AHNAK2: variants seen among roughly 807,000 people sequenced by gnomAD.
AHNAK2 encodes the protein AHNAK nucleoprotein 2, also known as protein AHNAK2.
Under a neutral mutation model 30.7 loss-of-function variants are expected in AHNAK2, and 18 were observed. The ratio of observed to expected loss-of-function variants is 0.59; its 90% CI spans 0.41 to 0.87. The LOEUF is 0.87. AHNAK2 is among the 40% of genes least tolerant of loss of function. AHNAK2 has a pLI of 0.00. For missense variants in AHNAK2, 8,604 were observed against 7,373.0 expected (o/e 1.17, Z -6.11); for synonymous variants, 3,590 against 3,073.8 (o/e 1.17, Z -5.56).
At position 104,948,073 on chromosome 14, in the gene AHNAK2, G is replaced by C; in HGVS notation, c.7378C>G (p.Leu2460Val). ...EVDVEAPGAK[L>V]DGAWLEGDLS... ...TCCCCCTCCAGCCACGCACCATCCA[G>C]CTTGGCTCCCGGGGCCTCGACATCC... Residue 2460 changes from leucine to valine, a missense_variant, in exon 7 of 7, where the codon CTG becomes GTG. Leu to Val is a conservative substitution (Grantham distance 32, BLOSUM62 1). Transcript: ENST00000333244. 1 of 1,612,950 alleles carries C rather than the reference G, an allele frequency of 6.2e-7. No homozygotes were observed.
intron 1 of AHNAK2, among the ~76,000 whole-genome samples, chr14:104,977,083 C>T (rs964957123): frequency 6.6e-6 from 1 of 152,160 alleles, no homozygotes; most frequent in South Asian, 2.1e-4. Context: ...ACAGACAGGC[C>T]ACAGGAGGGG....
chr14:104,941,680 G>A lies in AHNAK2; in HGVS notation c.13771C>T (p.Leu4591=), dbSNP rs780915251. 3.1e-6 allele frequency: 5 copies of A among 1,613,766 alleles called. No homozygotes were observed. In the South Asian group the frequency reaches 4.4e-5, roughly 14 times the overall value. The change falls in exon 7 of 7, where the codon CTG becomes TTG. Residue 4591 remains leucine, a synonymous_variant. Coordinates refer to ENST00000333244, the MANE Select transcript of AHNAK2 (RefSeq NM_138420.4). ...EVMAPDVEVS[L]PSVETDVQAP... is the part of the protein sequence containing the mutation. Reference sequence around the variant, plus strand: ...TGGACATCCGTCTCCACGCTGGGCAGAGACACCTCCACATCGGGGGCCATC... The same window carrying A: ...TGGACATCCGTCTCCACGCTGGGCAAAGACACCTCCACATCGGGGGCCATC...
chr14:104,944,642 G>T lies in AHNAK2; in HGVS notation c.10809C>A (p.Ser3603Arg), dbSNP rs781092494. ...RVPDVEVSLPSVEVDVQAPKA... is the reference protein window; with the variant it reads ...RVPDVEVSLPRVEVDVQAPKA... ...TCGGGGCCTGGACATCCACCTCCAC[G>T]CTGGGCAGAGACACCTCGACATCGG... The change falls in exon 7 of 7, where the codon AGC becomes AGA. Residue 3603 changes from serine (S) to arginine (R), a missense_variant. Physicochemically the swap from Ser to Arg is moderately radical, Grantham distance 110. Coordinates refer to ENST00000333244, the MANE Select transcript of AHNAK2 (RefSeq NM_138420.4). 96 of 1,613,092 alleles carry T rather than the reference G, an allele frequency of 6.0e-5. No individual in the cohort carries two copies. The highest frequency in any genetic ancestry group is 7.5e-5 in the Non-Finnish European group (88 of 1,179,716).
rs746919843 is a variant in AHNAK2 at position 104,951,431 on chromosome 14, C to CA, written c.4019dup (p.Ser1341ValfsTer8). The CA allele has an allele frequency of 3.2e-6, 4 of 1,233,830 alleles. 2 individuals carry two copies. In the South Asian group the frequency reaches 5.8e-5, roughly 18 times the overall value. 76.4% of individuals were successfully genotyped at this position (1,233,830 alleles called of 1,614,324 possible). A position where few individuals can be genotyped will look rare whatever the true frequency, so the allele number is the denominator to read the frequency against. ...CCTCAATGGACTTGCCTGGGGCAGA[C>CA]ACCCCGAACGACGGCATCTTGAACT... is the stretch of plus-strand genomic sequence containing the variant. On this transcript the variant is annotated frameshift_variant, in exon 7 of 7. Transcript: ENST00000333244. LOFTEE classifies it low-confidence loss of function (END_TRUNC).
At position 104,948,331 on chromosome 14, in the gene AHNAK2, C is replaced by G; in HGVS notation, c.7120G>C (p.Asp2374His). 3 of 1,612,764 alleles carry G rather than the reference C, an allele frequency of 1.9e-6. No homozygotes were observed. Among genetic ancestry groups the G allele is most frequent in the East Asian group, 4.5e-5 (2 of 44,738 alleles). ...TDLSVQPPSA[D>H]LEVQAGQVDV... ...ACTTGGCCAGCCTGGACCTCCAGGT[C>G]AGCGGAAGGGGGCTGAACGCTGAGG... is the stretch of plus-strand genomic sequence containing the variant. The change falls in exon 7 of 7, where the codon GAC (aspartate) becomes CAC (histidine). Residue 2374 changes from aspartate to histidine, a missense_variant. Coordinates refer to ENST00000333244, the MANE Select transcript of AHNAK2 (RefSeq NM_138420.4).
rs548451550 is a variant in AHNAK2 at position 104,950,063 on chromosome 14, T to C, written c.5388A>G (p.Pro1796=). Residue 1796 remains proline (P), a synonymous_variant, in exon 7 of 7, where the codon CCA becomes CCG. Coordinates refer to ENST00000333244, the MANE Select transcript of AHNAK2 (RefSeq NM_138420.4). ...LPSVEVDVEA[P]GAKLDSVRLE... ...GCCGCACACTGTCCAGCTTGGCTCCTGGAGCCTCGACGTCCACCTCCACGC... is the reference window on the plus strand; with the variant it reads ...GCCGCACACTGTCCAGCTTGGCTCCCGGAGCCTCGACGTCCACCTCCACGC... 1,678 of 1,583,602 alleles carry C rather than the reference T, an allele frequency of 1.1e-3. 162 individuals are homozygous for C. In the African/African-American group the frequency reaches 0.018, roughly 17 times the overall value.
chr14:104,947,269 T>C lies in AHNAK2; in HGVS notation c.8182A>G (p.Lys2728Glu), dbSNP rs1300498695. 1 of 1,611,498 alleles carries C rather than the reference T, an allele frequency of 6.2e-7. No individual in the cohort carries two copies. The highest frequency in any genetic ancestry group is 8.5e-7 in the Non-Finnish European group (1 of 1,179,330). Residue 2728 changes from lysine to glutamate, a missense_variant, in exon 7 of 7, where the codon AAA becomes GAA. Transcript: ENST00000333244. ...ATCTGCAGCTTGGGCAGGTGCCCTTTGAGGCCGGCTCCCTCGGGAACGTGG... is the reference window on the plus strand; with the variant it reads ...ATCTGCAGCTTGGGCAGGTGCCCTTCGAGGCCGGCTCCCTCGGGAACGTGG... ...EGHVPEGAGLKGHLPKLQMPS... is the reference protein window; with the variant it reads ...EGHVPEGAGLEGHLPKLQMPS...
intron 1 of AHNAK2, among the ~76,000 whole-genome samples, chr14:104,958,220 G>A (rs1163835500): frequency 1.3e-5 from 2 of 152,116 alleles, no homozygotes; most frequent in Non-Finnish European, 2.9e-5. Flanking sequence ...AGGCTGAGGC[G>A]GGTGGATCAC....
At chr14:104,956,433 C>G (rs1297325134) in intron 4 of AHNAK2, among the ~76,000 whole-genome samples, 155 bp downstream of exon 4, 1 of 152,168 alleles carries the variant, frequency 6.6e-6, no homozygotes, top group Admixed American at 6.5e-5. Context: ...TTCCCCAGGC[C>G]TGACAAGGGG....
chr14:104,954,090 C>G lies in AHNAK2; in HGVS notation c.1361G>C (p.Gly454Ala), dbSNP rs200037702. The G allele has an allele frequency of 3.1e-6, 5 of 1,613,038 alleles. No homozygotes were observed. In the Admixed American group the frequency reaches 5.0e-5, roughly 16 times the overall value. ...GATCCCGATTTCCAGGCTCTGCAGT[C>G]CCTCGCCTTCACCCTCCCGGCTCAT... is the stretch of plus-strand genomic sequence containing the variant. ...PGMSREGEGE[G>A]LQSLEIGIAR... Residue 454 changes from glycine (G) to alanine (A), a missense_variant, in exon 7 of 7, where the codon GGA becomes GCA. Coordinates refer to ENST00000333244, the MANE Select transcript of AHNAK2 (RefSeq NM_138420.4). This position sits in a 1 kb window ranked among gnomAD's most constrained non-coding sequence, Gnocchi z 4.3.
chr14:104,940,423 C>T lies in AHNAK2; in HGVS notation c.15028G>A (p.Asp5010Asn). Residue 5010 changes from aspartate (D) to asparagine (N), a missense_variant, in exon 7 of 7, where the codon GAT (aspartate) becomes AAT (asparagine). Physicochemically the swap from Asp to Asn is conservative, Grantham distance 23. Coordinates refer to ENST00000333244, the MANE Select transcript of AHNAK2 (RefSeq NM_138420.4). The surrounding 1 kb of genome is among the most constrained non-coding windows in gnomAD (Gnocchi z 4.4). ...AIHMDLPPER[D>N]GEKGRSTKPG... is the part of the protein sequence containing the mutation. ...TTTGTGCTCCTCCCCTTCTCTCCAT[C>T]CCTCTCAGGAGGCAGATCCATGTGG... 3.1e-6 allele frequency: 5 copies of T among 1,613,924 alleles called. No individual in the cohort carries two copies. Among genetic ancestry groups the T allele is most frequent in the African/African-American group, 2.7e-5 (2 of 75,054 alleles).
Position 104,957,414 on chromosome 14 carries a change from A to T in AHNAK2, c.209T>A (p.Leu70His). Residue 70 changes from leucine to histidine, a missense_variant, in exon 3 of 7, where the codon CTC becomes CAC. By Grantham distance (99) the Leu-to-His change is moderately conservative. Transcript: ENST00000333244. ...GGCTCTGCCCAGCAGGCTCACCTGG[A>T]GTCCAAAGTCGGCAGCCTCAGTCGT... ...EYTTEAADFGLQEDAPGRQGS... is the reference protein window; with the variant it reads ...EYTTEAADFGHQEDAPGRQGS... 6.3e-7 allele frequency: 1 copy of T among 1,584,658 alleles called. No homozygotes were observed. Among genetic ancestry groups the T allele is most frequent in the Non-Finnish European group, 8.6e-7 (1 of 1,159,232 alleles).
rs113339061 is a variant in AHNAK2, at chr14:104,948,854, A to C, written c.6597T>G (p.Thr2199=). ...CGGAAAGGGGCTGAATGCTGAGGTC[A>C]GTGGTCTTGAGGTCCCCCTGCATGG... ...LPSMQGDLKT[T]DLSIQPLSAD... is the part of the protein sequence containing the mutation. The change falls in exon 7 of 7, where the codon ACT becomes ACG. Residue 2199 remains threonine, a synonymous_variant. Transcript: ENST00000333244. 4.6e-4 allele frequency: 746 copies of C among 1,610,630 alleles called. 3 individuals carry two copies. Among genetic ancestry groups the C allele is most frequent in the Non-Finnish European group, 5.6e-4 (664 of 1,178,630 alleles).
rs1181976348 is a variant in AHNAK2, at chr14:104,940,199, A to C, written c.15252T>G (p.Gly5084=). 6.2e-7 allele frequency: 1 copy of C among 1,613,334 alleles called. No individual in the cohort carries two copies. ...GATASATGSE[G]VNLHRPQVHI... The stretch of plus-strand genomic sequence containing the variant: ...GGACCTGTGGCCGGTGGAGGTTCAC[A>C]CCCTCACTTCCTGTGGCACTTGCTG... Residue 5084 remains glycine, a synonymous_variant, in exon 7 of 7, where the codon GGT becomes GGG. Coordinates refer to ENST00000333244, the MANE Select transcript of AHNAK2 (RefSeq NM_138420.4). This position sits in a 1 kb window ranked among gnomAD's most constrained non-coding sequence, Gnocchi z 4.4.
chr14:104,956,563 G>A (rs1898979766), intron 4 of AHNAK2, 25 bp downstream of exon 4: 1 of 1,610,776 alleles, frequency 6.2e-7, no homozygotes, highest in African/African-American at 1.3e-5. Flanking sequence ...ACACCTCTGT[G>A]ACCCTCAGCT....
At position 104,953,977 on chromosome 14, in the gene AHNAK2, G is replaced by C. The variant is rs1333295602; in HGVS notation, c.1474C>G (p.Pro492Ala). ...TTTTCTGTGGAAAATGCAAATTTTGGTGTCTTTAAATCGTGTACTCGCACC... is the reference window on the plus strand; with the variant it reads ...TTTTCTGTGGAAAATGCAAATTTTGCTGTCTTTAAATCGTGTACTCGCACC... ...IRVRVHDLKTPKFAFSTEKEP... is the reference protein window; with the variant it reads ...IRVRVHDLKTAKFAFSTEKEP... The change falls in exon 7 of 7, where the codon CCA becomes GCA. Residue 492 changes from proline to alanine, a missense_variant. Physicochemically the swap from Pro to Ala is conservative, Grantham distance 27 (BLOSUM62 -1). Coordinates refer to ENST00000333244, the MANE Select transcript of AHNAK2 (RefSeq NM_138420.4). 8 of 1,613,770 alleles carry C rather than the reference G, an allele frequency of 5.0e-6. No homozygotes were observed. In the African/African-American group the frequency reaches 9.3e-5, roughly 19 times the overall value.
chr14:104,943,570 T>C lies in AHNAK2; in HGVS notation c.11881A>G (p.Met3961Val), dbSNP rs10141053. ...EGDLSLADKDMTAKDSKFKMP... is the reference protein window; with the variant it reads ...EGDLSLADKDVTAKDSKFKMP... ...TTGAACTTGCTGTCTTTGGCCGTCATGTCCTTGTCGGCCAGGGACAGGTCC... is the reference window on the plus strand; with the variant it reads ...TTGAACTTGCTGTCTTTGGCCGTCACGTCCTTGTCGGCCAGGGACAGGTCC... Residue 3961 changes from methionine (M) to valine (V), a missense_variant, in exon 7 of 7, where the codon ATG becomes GTG. Met to Val is a conservative substitution (Grantham distance 21). Coordinates refer to ENST00000333244, the MANE Select transcript of AHNAK2 (RefSeq NM_138420.4). 726,004 of 1,608,116 alleles carry C rather than the reference T, an allele frequency of 0.45. 175,115 individuals are homozygous for C. Among genetic ancestry groups the C allele is most frequent in the Middle Eastern group, 0.56 (3,397 of 6,032 alleles).
Position 104,952,979 on chromosome 14 carries a change from C to G in AHNAK2, c.2472G>C (p.Lys824Asn). The G allele has an allele frequency of 6.2e-7, 1 of 1,612,482 alleles. No homozygotes were observed. Among genetic ancestry groups the G allele is most frequent in the South Asian group, 1.1e-5 (1 of 91,000 alleles). Reference sequence around the variant, plus strand: ...ACTTGCTGTCTTTGGCAGTCACCTCCTTGTCGGCCAGGGACAGGTCCCCCT... The same window carrying G: ...ACTTGCTGTCTTTGGCAGTCACCTCGTTGTCGGCCAGGGACAGGTCCCCCT... Reference protein sequence around the residue: ...RLEGDLSLADKEVTAKDSKFK... With the variant: ...RLEGDLSLADNEVTAKDSKFK... The change falls in exon 7 of 7, where the codon AAG (lysine) becomes AAC (asparagine). Residue 824 changes from lysine (K) to asparagine (N), a missense_variant. Lys to Asn is a moderately conservative substitution (Grantham distance 94). Transcript: ENST00000333244.
intron 1 of AHNAK2, among the ~76,000 whole-genome samples, chr14:104,959,483 A>T (rs1899075796): frequency 6.6e-6 from 1 of 152,156 alleles, no homozygotes; most frequent in South Asian, 2.1e-4. Context: ...AAATTTTTTT[A>T]AAAATTAGCG....
Sources: allele counts gnomAD v4.1 joint callset (sites outside exome capture counted in the v4.1 genomes callset), GRCh38; gene constraint gnomAD v4.1.1; non-coding constraint Gnocchi (gnomAD v3.1); transcripts MANE v1.5; gene names NCBI Gene and HGNC (gene_info 2026-07-23, HGNC 2026-07-21).